The following LIMD1 variants were observed in gnomAD, a reference collection of about 807,000 sequenced individuals.
LIMD1 encodes the protein LIM domain-containing protein 1.
Under a neutral mutation model 58.4 loss-of-function variants are expected in LIMD1, and 23 were observed. The ratio of observed to expected loss-of-function variants is 0.39; its 90% CI spans 0.28 to 0.56. LIMD1 has a LOEUF of 0.56. LIMD1 is among the 20% of genes least tolerant of loss of function. The pLI, the probability that LIMD1 is intolerant of heterozygous loss-of-function variation, is 0.57. For missense variants in LIMD1, 838 were observed against 855.5 expected (o/e 0.98, Z 0.25); for synonymous variants, 334 against 345.5 (o/e 0.97, Z 0.37).
intron 2 of LIMD1, among the ~76,000 whole-genome samples, chr3:45,637,237 C>G (rs375765782): frequency 6.6e-6 from 1 of 152,092 alleles, no homozygotes; most frequent in South Asian, 2.1e-4. Context: ...AAGGGTGGGG[C>G]CAGGGCATCA....
At chr3:45,609,482 A>G (rs1176613367) in intron 1 of LIMD1, among the ~76,000 whole-genome samples, 3 of 152,126 alleles carry the variant, frequency 2.0e-5, no homozygotes, top group Non-Finnish European at 4.4e-5. Context: ...TAGCTGGGAT[A>G]CAGGCATGTG....
chr3:45,627,263 T>A (rs1225275570), intron 1 of LIMD1, among the ~76,000 whole-genome samples: 2 of 152,178 alleles, frequency 1.3e-5, no homozygotes, highest in Non-Finnish European at 2.9e-5. Context: ...GTTTTAGGGA[T>A]AAGTAGAACC....
chr3:45,626,958 T>C (rs1701673456), intron 1 of LIMD1, among the ~76,000 whole-genome samples: 1 of 151,906 alleles, frequency 6.6e-6, no homozygotes, highest in Non-Finnish European at 1.5e-5. Flanking sequence ...ATGATAAATA[T>C]CATTTTTTAA....
chr3:45,650,592 G>C (rs534882656), intron 2 of LIMD1, among the ~76,000 whole-genome samples: 1 of 147,574 alleles, frequency 6.8e-6, no homozygotes, highest in Non-Finnish European at 1.5e-5. Flanking sequence ...GCGGTATTTG[G>C]TTTTCTGTCC....
chr3:45,625,836 C>T (rs531592647), intron 1 of LIMD1, among the ~76,000 whole-genome samples: 26 of 152,298 alleles, frequency 1.7e-4, no homozygotes, highest in African/African-American at 5.5e-4. Flanking sequence ...TAAATGTCTG[C>T]TCTTTATAAA....
At chr3:45,601,029 A>C (rs1701406909) in intron 1 of LIMD1, among the ~76,000 whole-genome samples, 1 of 152,198 alleles carries the variant, frequency 6.6e-6, no homozygotes, top group African/African-American at 2.4e-5. Flanking sequence ...ATGCCACTGC[A>C]CTCCAGCCTG....
intron 1 of LIMD1, chr3:45,632,402 C>A: frequency 2.8e-6 from 1 of 359,764 alleles, no homozygotes. Context: ...GTCCATAGAA[C>A]CCATTTCTCT....
chr3:45,606,785 ATTTTG>A (rs1266882231), intron 1 of LIMD1, among the ~76,000 whole-genome samples: 1 of 151,992 alleles, frequency 6.6e-6, no homozygotes, highest in Non-Finnish European at 1.5e-5. Flanking sequence ...CTTGAACCAA[ATTTTG>A]TTTTGTTTTG....
At chr3:45,665,369 C>A (rs986927924) in intron 2 of LIMD1, among the ~76,000 whole-genome samples, 1 of 152,020 alleles carries the variant, frequency 6.6e-6, no homozygotes, top group African/African-American at 2.4e-5. Flanking sequence ...TCTTTCCAAG[C>A]AGATAGGAGG....
At chr3:45,632,460 G>A (rs1701744462) in intron 1 of LIMD1, 1 of 950,282 alleles carries the variant, frequency 1.1e-6, no homozygotes, top group Non-Finnish European at 1.3e-6. Context: ...GTCTGTGGCT[G>A]GGGGTGTTCA....
chr3:45,668,082 TAGAG>T (rs1559525963), intron 3 of LIMD1, among the ~76,000 whole-genome samples: 1 of 152,194 alleles, frequency 6.6e-6, no homozygotes, highest in African/African-American at 2.4e-5. Flanking sequence ...CAGTCATTGT[TAGAG>T]TGAGTGGTAC....
chr3:45,634,244 A>G (rs889241192), intron 1 of LIMD1, among the ~76,000 whole-genome samples: 1 of 152,212 alleles, frequency 6.6e-6, no homozygotes, highest in African/African-American at 2.4e-5. Context: ...ATATTTTAAT[A>G]TATTCCTCCG....
chr3:45,663,234 T>A (rs1473426637), intron 2 of LIMD1, among the ~76,000 whole-genome samples: 1 of 152,220 alleles, frequency 6.6e-6, no homozygotes, highest in Non-Finnish European at 1.5e-5. Context: ...CTGAAGACGC[T>A]TCTAGTTTTT....
intron 2 of LIMD1, among the ~76,000 whole-genome samples, chr3:45,643,941 T>G (rs1330253705): frequency 1.3e-3 from 2 of 1,556 alleles, no homozygotes; most frequent in Non-Finnish European, 2.3e-3. Context: ...CATGCCTTAG[T>G]GGGGAGAAAA....
intron 3 of LIMD1, among the ~76,000 whole-genome samples, chr3:45,666,414 T>A (rs1697519484): frequency 6.6e-6 from 1 of 152,184 alleles, no homozygotes; most frequent in South Asian, 2.1e-4. Flanking sequence ...TTATAGGGCA[T>A]AAACCTGGCC....
At chr3:45,631,037 CT>C (rs1252719575) in intron 1 of LIMD1, among the ~76,000 whole-genome samples, 1 of 152,050 alleles carries the variant, frequency 6.6e-6, no homozygotes, top group Non-Finnish European at 1.5e-5. Context: ...AACCCCGTCT[CT>C]ACTAAAAATA....
chr3:45,625,075 A>C (rs1316896073), intron 1 of LIMD1, among the ~76,000 whole-genome samples: 3 of 151,238 alleles, frequency 2.0e-5, no homozygotes, highest in Non-Finnish European at 4.4e-5. Context: ...GCCGTATGTT[A>C]ATGGTTTTCA....
chr3:45,646,640 C>T (rs529021324), intron 2 of LIMD1, among the ~76,000 whole-genome samples: 1 of 150,612 alleles, frequency 6.6e-6, no homozygotes, highest in African/African-American at 2.4e-5. Context: ...TAGCCATGTA[C>T]AGCTTGTGGC....
At chr3:45,605,444 C>G (rs959794112) in intron 1 of LIMD1, among the ~76,000 whole-genome samples, 1 of 152,226 alleles carries the variant, frequency 6.6e-6, no homozygotes, top group Non-Finnish European at 1.5e-5. Context: ...ATGAATCACT[C>G]ATGTACCTTC....
Sources: allele counts gnomAD v4.1 joint callset (sites outside exome capture counted in the v4.1 genomes callset), GRCh38; gene constraint gnomAD v4.1.1; transcripts MANE v1.5; gene names NCBI Gene and HGNC (gene_info 2026-07-23, HGNC 2026-07-21).